The following UQCRC1 variants were observed in gnomAD, a reference collection of about 807,000 sequenced individuals.
The protein encoded by UQCRC1 is cytochrome b-c1 complex subunit 1, mitochondrial.
In UQCRC1, 34 loss-of-function variants were observed where a neutral mutation model predicts 58.0. The observed-to-expected ratio is 0.59, with a 90% CI of 0.45 to 0.78. The LOEUF (loss-of-function observed/expected upper bound fraction) is 0.78. Among genes scored for constraint, UQCRC1 ranks in the 30% least tolerant of loss-of-function variants. The probability of loss-of-function intolerance (pLI) is 0.00; values close to 1 mark genes in which losing one functional copy is unlikely to be tolerated. For missense variants in UQCRC1, 610 were observed against 646.0 expected (o/e 0.94, Z 0.60); for synonymous variants, 276 against 248.8 (o/e 1.11, Z -1.03).
At chr3:48,600,375 C>A in intron 10 of UQCRC1, 107 bp downstream of exon 10, 1 of 1,429,060 alleles carries the variant, frequency 7.0e-7, no homozygotes, top group Non-Finnish European at 9.8e-7. Flanking sequence ...ATGGCGTGGT[C>A]TTCAAAGTTT....
In UQCRC1 at chr3:48,600,793, G is replaced by A. The variant is rs375097385; in HGVS notation, c.1014C>T (p.Cys338=). The A allele has an allele frequency of 2.5e-6, 4 of 1,613,982 alleles. No homozygotes were observed. In the African/African-American group the frequency reaches 4.0e-5, roughly 16 times the overall value. Residue 338 remains cysteine (C), a synonymous_variant, in exon 9 of 13, where the codon TGC becomes TGT. Transcript: ENST00000203407. ...AGATGCTGAAGGTCTGGAAACTCTG[G>A]CATAGCTTGTTGGCCACAGCACCTG... The part of the protein sequence containing the change: ...LASGAVANKL[C]QSFQTFSICY...
At chr3:48,602,190 A>AT (rs2046372374) in intron 6 of UQCRC1, among the ~76,000 whole-genome samples, 1 of 151,948 alleles carries the variant, frequency 6.6e-6, no homozygotes, top group African/African-American at 2.4e-5. Context: ...AGCTGGGACT[A>AT]TAGGCGCCCG....
At position 48,609,166 on chromosome 3, in the gene UQCRC1, C is replaced by A; in HGVS notation, c.206G>T (p.Cys69Phe). The A allele has an allele frequency of 3.1e-6, 5 of 1,606,676 alleles. No homozygotes were observed. Among genetic ancestry groups the A allele is most frequent in the Non-Finnish European group, 4.3e-6 (5 of 1,174,740 alleles). Reference protein sequence around the residue: ...VASEQSSQPTCTVGVWIDVGS... With the variant: ...VASEQSSQPTFTVGVWIDVGS... ...CCAAAAGCGTCCCCAACTCACCGTG[C>A]AAGTGGGCTGAGAGGACTGCTCGGA... Residue 69 changes from cysteine to phenylalanine, a missense_variant, in exon 2 of 13, where the codon TGC (cysteine) becomes TTC (phenylalanine). Cys to Phe is a radical substitution (Grantham distance 205, BLOSUM62 -2). Coordinates refer to ENST00000203407, the MANE Select transcript of UQCRC1 (RefSeq NM_003365.3).
At chr3:48,599,507 GA>G in intron 12 of UQCRC1, 127 bp downstream of exon 12, 1 of 1,027,808 alleles carries the variant, frequency 9.7e-7, no homozygotes, top group Non-Finnish European at 1.4e-6. Flanking sequence ...GGGGACTGGG[GA>G]GAGCTGCTTG....
At chr3:48,603,022 C>T (rs1359231551) in intron 6 of UQCRC1, among the ~76,000 whole-genome samples, 3 of 152,174 alleles carry the variant, frequency 2.0e-5, no homozygotes, top group African/African-American at 7.2e-5. Flanking sequence ...TAGACCATGA[C>T]ACTGCTCTTC....
chr3:48,603,467 G>T (rs976160599), intron 6 of UQCRC1, 97 bp downstream of exon 6: 9 of 1,220,536 alleles, frequency 7.4e-6, no homozygotes, highest in Non-Finnish European at 9.4e-6. Context: ...AGAGTCCCCT[G>T]GGGTGAAAGG....
Position 48,604,252 on chromosome 3 carries a change from C to A in UQCRC1, c.607G>T (p.Gly203Trp). ...TCTCACCTGACATTCTCACTGGGCC[C>A]CTCCACAGCCTGGGCTAGAGGTGTG... ...QGTPLAQAVE[G>W]PSENVRKLSR... Residue 203 changes from glycine to tryptophan, a missense_variant, in exon 5 of 13, where the codon GGG becomes TGG. Gly to Trp is a radical substitution (Grantham distance 184). Coordinates refer to ENST00000203407, the MANE Select transcript of UQCRC1 (RefSeq NM_003365.3). 6.2e-7 allele frequency: 1 copy of A among 1,612,768 alleles called. No individual in the cohort carries two copies. Among genetic ancestry groups the A allele is most frequent in the Non-Finnish European group, 8.5e-7 (1 of 1,180,020 alleles).
chr3:48,599,348 C>T, intron 12 of UQCRC1, 156 bp from the exon 13 acceptor site: 1 of 898,000 alleles, frequency 1.1e-6, no homozygotes, highest in East Asian at 2.7e-5. Flanking sequence ...GGGTGCTGAG[C>T]CTGTCCCTTC....
intron 2 of UQCRC1, among the ~76,000 whole-genome samples, chr3:48,608,032 G>C (rs1458017507): frequency 1.3e-5 from 2 of 152,206 alleles, no homozygotes; most frequent in Admixed American, 1.3e-4. Flanking sequence ...ATGTTTGCCA[G>C]GCTGGTCTTG....
chr3:48,601,180 C>T, intron 7 of UQCRC1, 62 bp from the exon 8 acceptor site: 1 of 1,563,380 alleles, frequency 6.4e-7, no homozygotes, highest in Non-Finnish European at 8.7e-7. Context: ...GAAAAGGTGG[C>T]AGGTGTGGGT....
chr3:48,603,975 G>A, intron 5 of UQCRC1: 1 of 588,936 alleles, frequency 1.7e-6, no homozygotes, highest in South Asian at 2.1e-5. Flanking sequence ...ACCACATGGA[G>A]GGGACACCCA....
At position 48,603,638 on chromosome 3, in the gene UQCRC1, A is replaced by G. The variant is rs762761417; in HGVS notation, c.632T>C (p.Leu211Pro). 2 of 1,613,792 alleles carry G rather than the reference A, an allele frequency of 1.2e-6. No individual in the cohort carries two copies. The highest frequency in any genetic ancestry group is 2.2e-5 in the South Asian group (2 of 90,988). Reference protein sequence around the residue: ...VEGPSENVRKLSRADLTEYLS... With the variant: ...VEGPSENVRKPSRADLTEYLS... Reference sequence around the variant, plus strand: ...GTACTCGGTCAAGTCTGCACGAGACAGCTTCCTACAAGACATATGGTCAGT... The same window carrying G: ...GTACTCGGTCAAGTCTGCACGAGACGGCTTCCTACAAGACATATGGTCAGT... Residue 211 changes from leucine (L) to proline (P), a missense_variant, in exon 6 of 13, where the codon CTG becomes CCG. By Grantham distance (98) the Leu-to-Pro change is moderately conservative (BLOSUM62 -3). Coordinates refer to ENST00000203407, the MANE Select transcript of UQCRC1 (RefSeq NM_003365.3).
Position 48,609,262 on chromosome 3 carries a change from G to C in UQCRC1, c.110C>G (p.Thr37Ser). 1 of 1,612,532 alleles carries C rather than the reference G, an allele frequency of 6.2e-7. No individual in the cohort carries two copies. Among genetic ancestry groups the C allele is most frequent in the South Asian group, 1.1e-5 (1 of 91,052 alleles). Reference protein sequence around the residue: ...LRTPALRSTATFAQALQFVPE... With the variant: ...LRTPALRSTASFAQALQFVPE... ...CACGAACTGGAGCGCCTGAGCGAAG[G>C]TTGCCGTACTCCGCAAGGCTGGCGT... Residue 37 changes from threonine to serine, a missense_variant, in exon 2 of 13, where the codon ACC becomes AGC. By Grantham distance (58) the Thr-to-Ser change is moderately conservative. Transcript: ENST00000203407.
rs565981804 is a variant in UQCRC1 at position 48,609,228 on chromosome 3, C to G, written c.144G>C (p.Thr48=). ...GGCCGTTGTCCAGCAGGCTAACCTG[C>G]GTCTCCGGCACGAACTGGAGCGCCT... The part of the protein sequence containing the change: ...FAQALQFVPE[T]QVSLLDNGLR... Residue 48 remains threonine, a synonymous_variant, in exon 2 of 13, where the codon ACG becomes ACC. Transcript: ENST00000203407. The G allele has an allele frequency of 6.2e-7, 1 of 1,613,050 alleles. No homozygotes were observed. The highest frequency in any genetic ancestry group is 1.3e-5 in the African/African-American group (1 of 75,078).
In UQCRC1 at chr3:48,609,180, G is replaced by C; in HGVS notation, c.192C>G (p.Ser64=). Residue 64 remains serine (S), a synonymous_variant, in exon 2 of 13, where the codon TCC becomes TCG. Transcript: ENST00000203407. The part of the protein sequence containing the change: ...DNGLRVASEQ[S]SQPTCTVGVW... ...AACTCACCGTGCAAGTGGGCTGAGA[G>C]GACTGCTCGGAGGCCACACGCAGGC... The C allele has an allele frequency of 1.2e-6, 2 of 1,611,406 alleles. No homozygotes were observed. Among genetic ancestry groups the C allele is most frequent in the Non-Finnish European group, 1.7e-6 (2 of 1,178,430 alleles).
Position 48,609,561 on chromosome 3 carries a change from G to A in UQCRC1, c.60C>T (p.Ala20=). The change falls in exon 1 of 13, where the codon GCC becomes GCT. Residue 20 remains alanine, a synonymous_variant. Coordinates refer to ENST00000203407, the MANE Select transcript of UQCRC1 (RefSeq NM_003365.3). The stretch of plus-strand genomic sequence containing the variant: ...CTCGCCACCACCTCACCGAGCGGCG[G>A]GCGCGCAATAGCACTTGTGCCCCGG... The part of the protein sequence containing the change: ...ATAGAQVLLR[A]RRSPALLRTP... 1.9e-6 allele frequency: 3 copies of A among 1,567,482 alleles called. No individual in the cohort carries two copies. In the South Asian group the frequency reaches 3.4e-5, roughly 18 times the overall value.
At chr3:48,606,108 A>G (rs564183968) in intron 2 of UQCRC1, among the ~76,000 whole-genome samples, 9 of 152,280 alleles carry the variant, frequency 5.9e-5, no homozygotes, top group African/African-American at 2.2e-4. Context: ...GACACTTCTA[A>G]CTGTGCACAT....
intron 12 of UQCRC1, 122 bp from the exon 13 acceptor site, chr3:48,599,314 A>C: frequency 8.6e-7 from 1 of 1,165,212 alleles, no homozygotes; most frequent in Middle Eastern, 2.8e-4. Context: ...TTGAGTGGAA[A>C]GAGAGGAGAG....
chr3:48,609,132 G>C lies in UQCRC1; in HGVS notation c.210+30C>G, dbSNP rs532359385. On this transcript the variant is annotated intron_variant, in intron 2 of 12. Transcript: ENST00000203407. ...AAAAGACGGCAGGCCCAACCTGGAG[G>C]CCCTCTCCCCAAAAGCGTCCCCAAC... 380 of 1,583,972 alleles carry C rather than the reference G, an allele frequency of 2.4e-4. 1 individual carries two copies. The South Asian group carries it at 3.0e-3, about 12-fold the overall frequency.
Sources: allele counts gnomAD v4.1 joint callset (sites outside exome capture counted in the v4.1 genomes callset), GRCh38; gene constraint gnomAD v4.1.1; transcripts MANE v1.5; gene names NCBI Gene and HGNC (gene_info 2026-07-23, HGNC 2026-07-21).